Variants in CPPED1 observed in about 807,000 individuals in gnomAD.
CPPED1 encodes the protein calcineurin like phosphoesterase domain containing 1.
In CPPED1, 28 loss-of-function variants were observed where a neutral mutation model predicts 28.0. That is an observed-to-expected ratio of 1.00 (90% confidence interval 0.74 to 1.37). The LOEUF (loss-of-function observed/expected upper bound fraction) is 1.37, where lower values mean the gene tolerates loss of function less well. Ranked by LOEUF, CPPED1 falls within the 40% of genes most tolerant of loss-of-function variation. The pLI is 0.00. For synonymous variants in CPPED1, 198 were observed against 180.2 expected (o/e 1.10, Z -0.79); for missense variants, 504 against 416.5 (o/e 1.21, Z -1.83).
At chr16:12,726,878 G>C (rs953801985) in intron 2 of CPPED1, among the ~76,000 whole-genome samples, 1 of 152,096 alleles carries the variant, frequency 6.6e-6, no homozygotes, top group Non-Finnish European at 1.5e-5. Flanking sequence ...AAAGAATAGA[G>C]GAAAAAAATG....
intron 1 of CPPED1, among the ~76,000 whole-genome samples, chr16:12,790,271 T>C (rs2080588402): frequency 6.6e-6 from 1 of 152,242 alleles, no homozygotes; most frequent in Admixed American, 6.5e-5. Flanking sequence ...CTTGGATTTG[T>C]CTCTGCTAAT....
chr16:12,755,203 G>A (rs192430843), intron 2 of CPPED1, among the ~76,000 whole-genome samples: 6 of 151,860 alleles, frequency 4.0e-5, no homozygotes, highest in African/African-American at 4.8e-5. Context: ...TTTTTATGAC[G>A]AGCATACCAG....
chr16:12,736,743 G>A (rs111515634), intron 2 of CPPED1, among the ~76,000 whole-genome samples: 165 of 152,338 alleles, frequency 1.1e-3, no homozygotes, highest in African/African-American at 3.8e-3. Flanking sequence ...CAACAAAAGT[G>A]TCTGCCTTCA....
intron 1 of CPPED1, among the ~76,000 whole-genome samples, chr16:12,794,733 A>G (rs941271931): frequency 3.3e-5 from 5 of 152,208 alleles, no homozygotes; most frequent in African/African-American, 1.2e-4. Context: ...AGCATTTTGC[A>G]ATAGGGATGC....
In CPPED1 at chr16:12,686,243, T is replaced by TA. The variant is rs1567275586; in HGVS notation, c.715+18380_715+18381insT. On this transcript the variant is annotated intron_variant, in intron 3 of 3. Coordinates refer to ENST00000381774, the MANE Select transcript of CPPED1 (RefSeq NM_018340.3). ...TTATTAATTGTATATATATATATAT[T>TA]TTTTTTTTTGAGATGGGGTCTTGCT... 1.1e-3 allele frequency among the ~76,000 whole-genome samples: 98 copies of TA among 91,596 alleles called. 1 individual carries two copies. The East Asian group carries it at 0.022, about 21-fold the overall frequency. 60.1% of individuals were successfully genotyped at this position (91,596 alleles called of 152,430 possible).
intron 2 of CPPED1, among the ~76,000 whole-genome samples, chr16:12,774,001 A>G (rs9708954): frequency 0.018 from 2,696 of 152,324 alleles, 89 homozygotes; most frequent in African/African-American, 0.061. Context: ...GCTGTTCAGC[A>G]GCAACAGATG....
At chr16:12,769,620 C>T (rs567146754) in intron 2 of CPPED1, among the ~76,000 whole-genome samples, 4 of 152,236 alleles carry the variant, frequency 2.6e-5, no homozygotes, top group South Asian at 2.1e-4. Flanking sequence ...AGCAGAAGGG[C>T]GGCATTGTCA....
chr16:12,803,614 C>G, intron 1 of CPPED1, 93 bp downstream of exon 1: 2 of 1,138,234 alleles, frequency 1.8e-6, no homozygotes, highest in Non-Finnish European at 2.4e-6. Context: ...GGATGGTGTC[C>G]GACTGGCGGA....
At chr16:12,730,262 A>C (rs917553177) in intron 2 of CPPED1, among the ~76,000 whole-genome samples, 4 of 152,158 alleles carry the variant, frequency 2.6e-5, no homozygotes, top group Admixed American at 2.0e-4. Flanking sequence ...TTGGCCTCCC[A>C]AAGTGTTCGG....
chr16:12,699,839 G>A (rs1212503700), intron 3 of CPPED1, among the ~76,000 whole-genome samples: 5 of 152,050 alleles, frequency 3.3e-5, no homozygotes, highest in Admixed American at 1.3e-4. Context: ...AGCTGCCATC[G>A]TCACCCCCAA....
rs952570599 is a variant in CPPED1 at position 12,740,835 on chromosome 16, C to G, written c.290-35786G>C. ...AATCTGTCAGAAGGTTAGAAAGCCC[C>G]TGGTCCGGGAGGGTGCTGCTGGGCT... On this transcript the variant is annotated intron_variant, in intron 2 of 3. Coordinates refer to ENST00000381774, the MANE Select transcript of CPPED1 (RefSeq NM_018340.3). 1.2e-4 allele frequency among the ~76,000 whole-genome samples: 19 copies of G among 152,288 alleles called. No homozygotes were observed. The East Asian group carries it at 3.3e-3, about 26-fold the overall frequency.
intron 3 of CPPED1, among the ~76,000 whole-genome samples, chr16:12,698,462 T>G (rs929383545): frequency 6.6e-6 from 1 of 152,170 alleles, no homozygotes; most frequent in Non-Finnish European, 1.5e-5. Flanking sequence ...GACACAGTCT[T>G]GCTCTGTTGC....
Position 12,717,961 on chromosome 16 carries a change from T to C in CPPED1, c.290-12912A>G, listed in dbSNP as rs76962198. On this transcript the variant is annotated intron_variant, in intron 2 of 3. Coordinates refer to ENST00000381774, the MANE Select transcript of CPPED1 (RefSeq NM_018340.3). ...CCGACTTGTTCCTATATTTTTCTTA[T>C]CAAATTTACCCTTCGTAAACTCAAG... Among the ~76,000 whole-genome samples the C allele has an allele frequency of 1.2e-4, 19 of 152,304 alleles. No individual in the cohort carries two copies. The East Asian group carries it at 3.5e-3, about 28-fold the overall frequency.
intron 1 of CPPED1, among the ~76,000 whole-genome samples, chr16:12,794,340 A>G (rs2080614069): frequency 6.6e-6 from 1 of 152,184 alleles, no homozygotes; most frequent in Non-Finnish European, 1.5e-5. Flanking sequence ...GTTGAATCAG[A>G]AAGAAGCCCA....
chr16:12,710,867 G>T (rs972229473), intron 2 of CPPED1, among the ~76,000 whole-genome samples: 3 of 152,198 alleles, frequency 2.0e-5, no homozygotes, highest in African/African-American at 7.2e-5. Context: ...GGAGAAAATG[G>T]AAACCTGGTG....
chr16:12,667,492 G>A (rs2079831891), intron 3 of CPPED1, among the ~76,000 whole-genome samples: 1 of 152,146 alleles, frequency 6.6e-6, no homozygotes, highest in Non-Finnish European at 1.5e-5. Flanking sequence ...GGTGGCTCAT[G>A]CCTGTAATCC....
intron 2 of CPPED1, among the ~76,000 whole-genome samples, chr16:12,741,351 C>T (rs1217259433): frequency 2.2e-5 from 3 of 138,070 alleles, no homozygotes; most frequent in South Asian, 4.6e-4. Context: ...ACTTGTTTAT[C>T]GAGAGCTGAG....
At chr16:12,783,069 G>A (rs544585170) in intron 1 of CPPED1, among the ~76,000 whole-genome samples, 6 of 152,190 alleles carry the variant, frequency 3.9e-5, no homozygotes, top group Non-Finnish European at 7.3e-5. Context: ...CTGGCAATAT[G>A]AGGGTGACCA....
At chr16:12,793,538 T>G (rs2141245551) in intron 1 of CPPED1, among the ~76,000 whole-genome samples, 1 of 152,340 alleles carries the variant, frequency 6.6e-6, no homozygotes, top group Non-Finnish European at 1.5e-5. Flanking sequence ...TCTCTGGGAC[T>G]CAGTCTCCTT....
Sources: gnomAD v4.1 joint callset for allele counts (sites outside exome capture counted in the v4.1 genomes callset) on GRCh38, gnomAD v4.1.1 for gene constraint, MANE v1.5 for transcripts, NCBI Gene and HGNC (gene_info 2026-07-23, HGNC 2026-07-21) for gene names.